KATNAL1: variants seen among roughly 807,000 people sequenced by gnomAD.
KATNAL1 encodes the protein katanin p60 ATPase-containing subunit A-like 1.
In KATNAL1, 32 loss-of-function variants were observed where a neutral mutation model predicts 55.2. That is an observed-to-expected ratio of 0.58 (90% CI 0.44 to 0.78). KATNAL1 has a LOEUF of 0.78. Ranked by LOEUF, KATNAL1 falls within the 30% of genes least tolerant of loss-of-function variation. The pLI is 0.00. For missense variants in KATNAL1, 466 were observed against 600.9 expected (o/e 0.78, Z 2.35); for synonymous variants, 193 against 193.6 (o/e 1.00, Z 0.02).
chr13:30,280,132 G>C lies in KATNAL1; in HGVS notation c.254C>G (p.Pro85Arg). The change falls in exon 3 of 11, where the codon CCT becomes CGT. Residue 85 changes from proline to arginine, a missense_variant. Physicochemically the swap from Pro to Arg is moderately radical, Grantham distance 103 (BLOSUM62 -2). Coordinates refer to ENST00000380615, the MANE Select transcript of KATNAL1 (RefSeq NM_032116.5). ...SFKIDKPPDF[P>R]VSCQDEPFRD... The stretch of plus-strand genomic sequence containing the variant: ...AAATGGTTCATCTTGACAGGACACA[G>C]GGAAATCTGGAGGCTTGTCAATTTT... The C allele has an allele frequency of 6.2e-7, 1 of 1,613,478 alleles. No individual in the cohort carries two copies. Among genetic ancestry groups the C allele is most frequent in the Non-Finnish European group, 8.5e-7 (1 of 1,179,716 alleles).
Position 30,231,622 on chromosome 13 carries a change from A to G in KATNAL1, c.727-150T>C, listed in dbSNP as rs1876107793. On this transcript the variant is annotated intron_variant, in intron 6 of 10. Transcript: ENST00000380615. ...AAATCATGATGCATTTAGTAAGAGT[A>G]TTATTTTATAGCTAGAAAAAATGAA... The G allele has an allele frequency of 1.1e-5, 5 of 472,602 alleles. No homozygotes were observed. In the East Asian group the frequency reaches 1.8e-4, roughly 17 times the overall value. 29.3% of individuals were successfully genotyped at this position (472,602 alleles called of 1,614,324 possible).
At chr13:30,221,511 A>G (rs1874852351) in intron 9 of KATNAL1, among the ~76,000 whole-genome samples, 1 of 152,260 alleles carries the variant, frequency 6.6e-6, no homozygotes, top group Non-Finnish European at 1.5e-5. Flanking sequence ...ATTAAAAAGT[A>G]GCTAACAAAA....
At chr13:30,296,713 A>G in intron 1 of KATNAL1, 1 of 584,640 alleles carries the variant, frequency 1.7e-6, no homozygotes, top group Non-Finnish European at 3.3e-6. Flanking sequence ...GACGGCGAGG[A>G]ATATTTCTCC....
chr13:30,208,545 C>A lies in KATNAL1; in HGVS notation c.1468G>T (p.Ala490Ser). 6.5e-7 allele frequency: 1 copy of A among 1,536,544 alleles called. No individual in the cohort carries two copies. The highest frequency in any genetic ancestry group is 8.8e-7 in the Non-Finnish European group (1 of 1,136,156). The change falls in exon 11 of 11, where the codon GCT (alanine) becomes TCT (serine). Residue 490 changes from alanine (A) to serine (S), a missense_variant. Ala to Ser is a moderately conservative substitution (Grantham distance 99). Transcript: ENST00000380615. ...YEKWMVEFGS[A>S] ...ATTAAAGAGCTGACAGAAATTCAAG[C>A]AGATCCAAATTCAACCATCCATTTT... is the stretch of plus-strand genomic sequence containing the variant.
At chr13:30,272,974 C>T (rs2137511448) in intron 3 of KATNAL1, among the ~76,000 whole-genome samples, 1 of 152,312 alleles carries the variant, frequency 6.6e-6, no homozygotes, top group African/African-American at 2.4e-5. Flanking sequence ...CACACCCTTA[C>T]ATACCCCTGC....
chr13:30,229,878 A>G (rs946851577), intron 8 of KATNAL1, among the ~76,000 whole-genome samples: 6 of 152,002 alleles, frequency 3.9e-5, no homozygotes, highest in Admixed American at 2.6e-4. Context: ...AAATAATGAT[A>G]AATTCATTAC....
At chr13:30,231,528 AATT>A (rs1234986792) in intron 6 of KATNAL1, 56 bp from the exon 7 acceptor site, 3 of 1,152,066 alleles carry the variant, frequency 2.6e-6, no homozygotes, top group Admixed American at 3.2e-5. Flanking sequence ...TTTTTTTATA[AATT>A]ATCATCAGCT....
intron 9 of KATNAL1, among the ~76,000 whole-genome samples, chr13:30,226,257 C>T (rs1023225917): frequency 2.6e-5 from 4 of 152,150 alleles, no homozygotes; most frequent in African/African-American, 9.7e-5. Context: ...CCCTATGACC[C>T]ATCTTTTCTT....
intron 3 of KATNAL1, among the ~76,000 whole-genome samples, chr13:30,276,198 T>A (rs1880830093): frequency 6.6e-6 from 1 of 152,214 alleles, no homozygotes; most frequent in African/African-American, 2.4e-5. Context: ...AGGCAATCAA[T>A]CAAAATTTTA....
At chr13:30,282,034 TAA>T (rs57103799) in intron 2 of KATNAL1, among the ~76,000 whole-genome samples, 79,647 of 149,190 alleles carry the variant, frequency 0.53, 22,049 homozygotes, top group African/African-American at 0.71. Flanking sequence ...GTATTATTTG[TAA>T]AAAAAAAAAA....
intron 1 of KATNAL1, among the ~76,000 whole-genome samples, chr13:30,298,852 G>A (rs1021055894): frequency 6.6e-6 from 1 of 152,026 alleles, no homozygotes; most frequent in African/African-American, 2.4e-5. Flanking sequence ...AGAAAGAGAA[G>A]ATCCATCATG....
intron 3 of KATNAL1, among the ~76,000 whole-genome samples, chr13:30,273,669 T>TA (rs1397984791): frequency 6.6e-6 from 1 of 152,226 alleles, no homozygotes; most frequent in Non-Finnish European, 1.5e-5. Flanking sequence ...TTTTAGAAGA[T>TA]AATATGACTC....
At chr13:30,271,054 G>A (rs1022797056) in intron 3 of KATNAL1, among the ~76,000 whole-genome samples, 1 of 152,248 alleles carries the variant, frequency 6.6e-6, no homozygotes, top group Non-Finnish European at 1.5e-5. Context: ...CAAATGAGGT[G>A]AGGGCATTTG....
intron 9 of KATNAL1, among the ~76,000 whole-genome samples, chr13:30,212,841 AC>A (rs1480115979): frequency 2.0e-5 from 3 of 152,144 alleles, no homozygotes; most frequent in Non-Finnish European, 4.4e-5. Flanking sequence ...TTTTTAGGCA[AC>A]TCCTAACCCC....
chr13:30,297,220 AGAG>A (rs1413475433), intron 1 of KATNAL1, among the ~76,000 whole-genome samples: 1 of 151,986 alleles, frequency 6.6e-6, no homozygotes, highest in African/African-American at 2.4e-5. Flanking sequence ...GAGAGGAAAA[AGAG>A]AAGAAGGAGG....
At chr13:30,291,140 G>A (rs1882108681) in intron 1 of KATNAL1, among the ~76,000 whole-genome samples, 1 of 152,186 alleles carries the variant, frequency 6.6e-6, no homozygotes, top group South Asian at 2.1e-4. Flanking sequence ...GATTGGAAAA[G>A]AAGTAAAGCT....
chr13:30,239,802 C>T (rs533258143), intron 6 of KATNAL1, among the ~76,000 whole-genome samples: 1 of 151,232 alleles, frequency 6.6e-6, no homozygotes, highest in South Asian at 2.1e-4. Context: ...TCTCCTGCCT[C>T]AGCCTCCCGA....
At chr13:30,306,582 A>G (rs1387115896) in intron 1 of KATNAL1, 1 of 152,216 alleles carries the variant, frequency 6.6e-6, no homozygotes, top group Non-Finnish European at 1.5e-5. Flanking sequence ...CTATTTCCAC[A>G]CTTAACCTTT....
intron 3 of KATNAL1, among the ~76,000 whole-genome samples, chr13:30,270,026 G>A (rs1423205451): frequency 5.0e-5 from 7 of 139,864 alleles, no homozygotes; most frequent in African/African-American, 1.8e-4. Context: ...AGGGAGGTGG[G>A]GGTGTCAGCC....
Sources: gnomAD v4.1 joint callset for allele counts (sites outside exome capture counted in the v4.1 genomes callset) on GRCh38, gnomAD v4.1.1 for gene constraint, MANE v1.5 for transcripts, NCBI Gene and HGNC (gene_info 2026-07-23, HGNC 2026-07-21) for gene names.